Variants in PLEKHM3 observed in about 807,000 individuals in gnomAD.
PLEKHM3 encodes the protein pleckstrin homology domain-containing family M member 3.
Under a neutral mutation model 81.8 loss-of-function variants are expected in PLEKHM3, and 45 were observed. The ratio of observed to expected loss-of-function variants is 0.55; its 90% CI spans 0.43 to 0.71. The LOEUF (loss-of-function observed/expected upper bound fraction) is 0.71. Among genes scored for constraint, PLEKHM3 ranks in the 30% least tolerant of loss-of-function variants. PLEKHM3 has a pLI of 0.00. For missense variants in PLEKHM3, 788 were observed against 924.3 expected (o/e 0.85, Z 1.91); for synonymous variants, 352 against 356.4 (o/e 0.99, Z 0.14).
intron 4 of PLEKHM3, among the ~76,000 whole-genome samples, chr2:207,943,537 CA>C (rs1271726121): frequency 6.6e-6 from 1 of 152,132 alleles, no homozygotes; most frequent in Non-Finnish European, 1.5e-5. Flanking sequence ...CTGGACTTGC[CA>C]AATTCTACTA....
intron 6 of PLEKHM3, 73 bp downstream of exon 6, chr2:207,908,441 G>A (rs1011231461): frequency 2.1e-6 from 3 of 1,416,332 alleles, no homozygotes; most frequent in Admixed American, 2.0e-5. Flanking sequence ...AGAATACGGT[G>A]CAAAGACCAA....
intron 2 of PLEKHM3, among the ~76,000 whole-genome samples, chr2:207,987,172 A>G (rs1691754216): frequency 6.6e-6 from 1 of 152,124 alleles, no homozygotes; most frequent in Non-Finnish European, 1.5e-5. Context: ...AACCTCACCT[A>G]ATGGCTCTGG....
rs576588284 is a variant in PLEKHM3 at position 208,020,306 on chromosome 2, C to T, written c.-319+5083G>A. ...GAAGGATTCTATTTGAACCACATAACTCAGATTAACAATTAATGAGTGTAC... is the reference window on the plus strand; with the variant it reads ...GAAGGATTCTATTTGAACCACATAATTCAGATTAACAATTAATGAGTGTAC... On this transcript the variant is annotated intron_variant, in intron 1 of 7. Coordinates refer to ENST00000427836, the MANE Select transcript of PLEKHM3 (RefSeq NM_001080475.3). Among the ~76,000 whole-genome samples, 3 of 152,326 alleles carry T rather than the reference C, an allele frequency of 2.0e-5. No homozygotes were observed. The South Asian group carries it at 6.2e-4, about 32-fold the overall frequency.
chr2:207,938,192 G>A (rs939176868), intron 4 of PLEKHM3, among the ~76,000 whole-genome samples: 2 of 152,130 alleles, frequency 1.3e-5, no homozygotes, highest in Non-Finnish European at 2.9e-5. Flanking sequence ...TCTTTGCTAC[G>A]CTTGATATTT....
intron 6 of PLEKHM3, among the ~76,000 whole-genome samples, chr2:207,880,893 A>C (rs1435706727): frequency 2.0e-5 from 3 of 151,170 alleles, no homozygotes; most frequent in Non-Finnish European, 2.9e-5. Flanking sequence ...AAAATGACCA[A>C]AGATTTGTGT....
chr2:207,898,835 G>A (rs537691088), intron 6 of PLEKHM3, among the ~76,000 whole-genome samples: 10 of 152,116 alleles, frequency 6.6e-5, no homozygotes, highest in Non-Finnish European at 1.2e-4. Context: ...GGTCAAAGCT[G>A]CAGCCAGCCA....
intron 7 of PLEKHM3, among the ~76,000 whole-genome samples, chr2:207,856,486 C>G (rs2092438340): frequency 6.6e-6 from 1 of 152,210 alleles, no homozygotes; most frequent in South Asian, 2.1e-4. Context: ...TCCCAGCCAC[C>G]AAATCCCTGT....
intron 7 of PLEKHM3, among the ~76,000 whole-genome samples, chr2:207,853,726 G>C (rs752984944): frequency 4.6e-5 from 7 of 151,818 alleles, no homozygotes; most frequent in Non-Finnish European, 8.8e-5. Context: ...CTAGCAAGTC[G>C]CCAAACAAAC....
In PLEKHM3 at chr2:208,025,389, C is replaced by T. The variant is rs1197910311; in HGVS notation, c.-319G>A. 1 of 152,338 alleles carries T rather than the reference C, an allele frequency of 6.6e-6. No homozygotes were observed. The highest frequency in any genetic ancestry group is 1.5e-5 in the Non-Finnish European group (1 of 68,132). The allele number at this position is 152,338 out of a possible 1,614,324, so 9.4% of individuals were successfully genotyped here. On this transcript the variant is annotated splice_region_variant and 5_prime_UTR_variant, in exon 1 of 8. Transcript: ENST00000427836. ...AGCACAGAAGCAGACGGATGCTCAC[C>T]TGGGCCCCGGCTGCTACTCTCCATT... is the stretch of plus-strand genomic sequence containing the variant.
intron 4 of PLEKHM3, among the ~76,000 whole-genome samples, chr2:207,945,355 T>C (rs930318853): frequency 2.6e-5 from 4 of 152,222 alleles, no homozygotes; most frequent in Admixed American, 6.5e-5. Context: ...TATTTATACT[T>C]CCTGAAGAGC....
intron 7 of PLEKHM3, among the ~76,000 whole-genome samples, chr2:207,854,922 T>G (rs2092430147): frequency 6.6e-6 from 1 of 152,212 alleles, no homozygotes; most frequent in Admixed American, 6.5e-5. Context: ...CATAATCATA[T>G]GGAGTCCTTG....
intron 7 of PLEKHM3, among the ~76,000 whole-genome samples, chr2:207,852,535 A>G (rs1258119646): frequency 6.6e-6 from 1 of 152,214 alleles, no homozygotes; most frequent in East Asian, 1.9e-4. Flanking sequence ...AATGAGGAAA[A>G]GAAAGCCTGA....
chr2:207,979,752 G>C (rs1691458131), intron 2 of PLEKHM3, among the ~76,000 whole-genome samples: 1 of 151,578 alleles, frequency 6.6e-6, no homozygotes, highest in Admixed American at 6.6e-5. Flanking sequence ...TTCTGCTTTT[G>C]ACTAAAGAAA....
chr2:207,850,955 C>A (rs1274831066), intron 7 of PLEKHM3, among the ~76,000 whole-genome samples: 3 of 151,622 alleles, frequency 2.0e-5, no homozygotes, highest in Non-Finnish European at 4.4e-5. Context: ...AAGATTGAGA[C>A]CAGCCTGACC....
chr2:207,955,152 G>A (rs563061514), intron 3 of PLEKHM3, among the ~76,000 whole-genome samples: 3 of 152,232 alleles, frequency 2.0e-5, no homozygotes, highest in East Asian at 1.9e-4. Context: ...TTTCACTTCC[G>A]AAGACATGAC....
At chr2:207,883,105 A>T (rs990741376) in intron 6 of PLEKHM3, among the ~76,000 whole-genome samples, 1 of 152,214 alleles carries the variant, frequency 6.6e-6, no homozygotes, top group African/African-American at 2.4e-5. Context: ...ATTGGTTGAC[A>T]AGGCTTTGGT....
In PLEKHM3 at chr2:207,828,321, A is replaced by G. The variant is rs752273004; in HGVS notation, c.2284T>C (p.Ter762ArgextTer39). ...CCTGGCCTTCGGGTCGGCTGGAGTC[A>G]GGTGTTCTGGTAGGACAGCTCGAAC... ...TMFELSYQNT[*>R] Residue 762 changes from the stop codon to arginine (R), a stop_lost, in exon 8 of 8, where the codon TGA becomes CGA. Coordinates refer to ENST00000427836, the MANE Select transcript of PLEKHM3 (RefSeq NM_001080475.3). 12 of 1,607,044 alleles carry G rather than the reference A, an allele frequency of 7.5e-6. No individual in the cohort carries two copies. In the Admixed American group the frequency reaches 1.3e-4, roughly 18 times the overall value.
Position 207,861,129 on chromosome 2 carries a change from G to C in PLEKHM3, c.2084C>G (p.Pro695Arg). The stretch of plus-strand genomic sequence containing the variant: ...CCTGCTTGTTGAAATATCCTCAAAA[G>C]GGTAGAGGATCTCTCCATTGTTACA... The part of the protein sequence containing the change: ...EICNNGEILY[P>R]FEDISTSRCE... Residue 695 changes from proline (P) to arginine (R), a missense_variant, in exon 7 of 8, where the codon CCT becomes CGT. Pro to Arg is a moderately radical substitution (Grantham distance 103). Coordinates refer to ENST00000427836, the MANE Select transcript of PLEKHM3 (RefSeq NM_001080475.3). 6.2e-7 allele frequency: 1 copy of C among 1,614,012 alleles called. No individual in the cohort carries two copies. Among genetic ancestry groups the C allele is most frequent in the Non-Finnish European group, 8.5e-7 (1 of 1,179,976 alleles).
At chr2:207,838,005 C>T (rs959120606) in intron 7 of PLEKHM3, among the ~76,000 whole-genome samples, 69 of 151,720 alleles carry the variant, frequency 4.5e-4, no homozygotes, top group African/African-American at 1.5e-3. Flanking sequence ...CTCCCAACAT[C>T]AGGTGATCCG....
Sources: gnomAD v4.1 joint callset for allele counts (sites outside exome capture counted in the v4.1 genomes callset) on GRCh38, gnomAD v4.1.1 for gene constraint, MANE v1.5 for transcripts, NCBI Gene and HGNC (gene_info 2026-07-23, HGNC 2026-07-21) for gene names.